CREB5: variants seen among roughly 807,000 people sequenced by gnomAD.
The protein encoded by CREB5 is cAMP responsive element binding protein 5, also known as cyclic AMP-responsive element-binding protein 5.
CREB5 carries 19 observed loss-of-function variants against 57.1 expected under a neutral mutation model. That is an observed-to-expected ratio of 0.33 (90% CI 0.23 to 0.49). The LOEUF (loss-of-function observed/expected upper bound fraction) is 0.49. CREB5 is among the 20% of genes least tolerant of loss of function. The pLI is 0.99. For synonymous variants in CREB5, 238 were observed against 238.3 expected (o/e 1.00, Z 0.01); for missense variants, 579 against 671.6 (o/e 0.86, Z 1.52).
chr7:28,318,243 G>A (rs1785416614), intron 1 of CREB5, among the ~76,000 whole-genome samples: 1 of 152,104 alleles, frequency 6.6e-6, no homozygotes, highest in Admixed American at 6.5e-5. Flanking sequence ...GATTACCACA[G>A]AGGGCTGTTC....
At chr7:28,625,744 A>G (rs972626679) in intron 5 of CREB5, among the ~76,000 whole-genome samples, 1 of 152,218 alleles carries the variant, frequency 6.6e-6, no homozygotes, top group African/African-American at 2.4e-5. Flanking sequence ...TGTTTATTCC[A>G]TGGCCTCCAT....
At chr7:28,487,357 A>T (rs1024746058) in intron 1 of CREB5, among the ~76,000 whole-genome samples, 12 of 152,180 alleles carry the variant, frequency 7.9e-5, no homozygotes, top group African/African-American at 2.9e-4. Flanking sequence ...GATTACAGGC[A>T]TGAGCCACCA....
chr7:28,379,210 A>C lies in CREB5; in HGVS notation c.-25+79769A>C, dbSNP rs182904093. Among the ~76,000 whole-genome samples, 8 of 152,328 alleles carry C rather than the reference A, an allele frequency of 5.3e-5. No homozygotes were observed. In the East Asian group the frequency reaches 1.5e-3, roughly 29 times the overall value. On this transcript the variant is annotated intron_variant, in intron 1 of 9. Coordinates refer to the CREB5 transcript ENST00000396299. ...TAAATTATCTGAGTCTCAGTAACAA[A>C]GTGGTGATGCTGAGTAATGATGCAT...
chr7:28,733,980 T>G (rs10230283), intron 7 of CREB5, among the ~76,000 whole-genome samples: 64,173 of 151,872 alleles, frequency 0.42, 14,610 homozygotes, highest in Middle Eastern at 0.54. Context: ...GTAGGTGGGA[T>G]AGAGACACTG....
intron 1 of CREB5, among the ~76,000 whole-genome samples, chr7:28,445,952 A>C (rs886321579): frequency 9.9e-5 from 15 of 152,190 alleles, no homozygotes; most frequent in African/African-American, 3.4e-4. Flanking sequence ...CAACAAACAA[A>C]ACCAAACAAA....
In CREB5 at chr7:28,819,899, C is replaced by A. The variant is rs575798159; in HGVS notation, c.*620C>A. On this transcript the variant is annotated 3_prime_UTR_variant, in exon 11 of 11. Transcript: ENST00000357727. ...TGCCCAGTTTTCTTCTCCATTTCCACTTTTTCTTAGGCTCCCTATTTACTA... is the reference window on the plus strand; with the variant it reads ...TGCCCAGTTTTCTTCTCCATTTCCAATTTTTCTTAGGCTCCCTATTTACTA... The A allele has an allele frequency of 6.6e-6, 1 of 151,588 alleles. No individual in the cohort carries two copies. The highest frequency in any genetic ancestry group is 1.5e-5 in the Non-Finnish European group (1 of 67,988). 9.4% of individuals were successfully genotyped at this position (151,588 alleles called of 1,614,324 possible). A position where few individuals can be genotyped will look rare whatever the true frequency, so the allele number is the denominator to read the frequency against.
chr7:28,347,473 AG>A (rs1313543113), intron 1 of CREB5, among the ~76,000 whole-genome samples: 8 of 152,224 alleles, frequency 5.3e-5, no homozygotes, highest in Non-Finnish European at 1.2e-4. Context: ...AAATGAAGTG[AG>A]TAAGCAGAGA....
intron 5 of CREB5, among the ~76,000 whole-genome samples, chr7:28,672,998 G>A (rs375099923): frequency 7.9e-5 from 12 of 152,052 alleles, no homozygotes; most frequent in East Asian, 5.8e-4. Flanking sequence ...GAAACCACCC[G>A]CCCCATACCT....
At chr7:28,385,744 G>T (rs559294415) in intron 1 of CREB5, among the ~76,000 whole-genome samples, 9 of 149,158 alleles carry the variant, frequency 6.0e-5, no homozygotes, top group Admixed American at 6.6e-5. Context: ...TTTTATAATT[G>T]GTTTTTAGAA....
At chr7:28,388,143 G>A (rs1038968544) in intron 1 of CREB5, among the ~76,000 whole-genome samples, 2 of 152,154 alleles carry the variant, frequency 1.3e-5, no homozygotes, top group African/African-American at 4.8e-5. Context: ...GGCCCTGCAG[G>A]TCACTACCCA....
At chr7:28,398,341 A>G (rs1787380036) in intron 1 of CREB5, among the ~76,000 whole-genome samples, 1 of 152,196 alleles carries the variant, frequency 6.6e-6, no homozygotes, top group Non-Finnish European at 1.5e-5. Context: ...TTTGTGGCAA[A>G]GGTAGACATC....
chr7:28,451,475 T>C (rs1200752317), intron 1 of CREB5, among the ~76,000 whole-genome samples: 1 of 151,650 alleles, frequency 6.6e-6, no homozygotes. Context: ...TGTGTGTGTG[T>C]GTGTGTGTGT....
intron 5 of CREB5, among the ~76,000 whole-genome samples, chr7:28,715,732 G>A (rs1262973655): frequency 6.6e-6 from 1 of 152,172 alleles, no homozygotes; most frequent in Non-Finnish European, 1.5e-5. Context: ...GTAGGTGGGG[G>A]TTGGGGAAAT....
chr7:28,610,057 T>G (rs982156144), intron 5 of CREB5, among the ~76,000 whole-genome samples: 71 of 152,226 alleles, frequency 4.7e-4, no homozygotes, highest in African/African-American at 1.7e-3. Context: ...GCTTTTCTTT[T>G]CTGAAGAGCT....
intron 1 of CREB5, among the ~76,000 whole-genome samples, chr7:28,459,173 G>T (rs909184167): frequency 6.6e-6 from 1 of 152,160 alleles, no homozygotes; most frequent in Admixed American, 6.5e-5. Context: ...TGAGTGGTTT[G>T]TGGTGGTCAC....
chr7:28,412,919 TA>T lies in CREB5; in HGVS notation c.3+4del. 6.7e-7 allele frequency: 1 copy of T among 1,482,814 alleles called. No individual in the cohort carries two copies. Among genetic ancestry groups the T allele is most frequent in the East Asian group, 2.4e-5 (1 of 41,438 alleles). 91.9% of individuals were successfully genotyped at this position (1,482,814 alleles called of 1,614,324 possible). A position where few individuals can be genotyped will look rare whatever the true frequency, so the allele number is the denominator to read the frequency against. On this transcript the variant is annotated splice_donor_region_variant and intron_variant, in intron 1 of 10. Coordinates refer to ENST00000357727, the MANE Select transcript of CREB5 (RefSeq NM_182898.4). The stretch of plus-strand genomic sequence containing the variant: ...GCTGCTTTTATTCTACAGATAATGG[TA>T]AGGATGATGTTTATTATGCATATTA...
chr7:28,751,452 A>T (rs1027153671), intron 7 of CREB5, among the ~76,000 whole-genome samples: 2 of 152,114 alleles, frequency 1.3e-5, no homozygotes, highest in African/African-American at 4.8e-5. Context: ...GCCATTTCAG[A>T]CCCTAGTGGT....
intron 3 of CREB5, among the ~76,000 whole-genome samples, chr7:28,499,614 G>A (rs1336595418): frequency 3.3e-5 from 5 of 152,032 alleles, no homozygotes; most frequent in South Asian, 2.1e-4. Flanking sequence ...ATGGAGTTTC[G>A]CTCTCGTTGC....
chr7:28,431,454 G>A (rs1480485260), intron 1 of CREB5, among the ~76,000 whole-genome samples: 1 of 152,174 alleles, frequency 6.6e-6, no homozygotes, highest in African/African-American at 2.4e-5. Flanking sequence ...AAGCCTCCTA[G>A]ATTTTGAGTT....
Sources: allele counts gnomAD v4.1 joint callset (sites outside exome capture counted in the v4.1 genomes callset), GRCh38; gene constraint gnomAD v4.1.1; transcripts MANE v1.5; gene names NCBI Gene and HGNC (gene_info 2026-07-23, HGNC 2026-07-21).